ROBO1: variants seen among roughly 807,000 people sequenced by gnomAD.
The protein encoded by ROBO1 is roundabout homolog 1.
A neutral mutation model predicts 195.9 loss-of-function variants in ROBO1; 149 were observed. The ratio of observed to expected loss-of-function variants is 0.76; its 90% CI spans 0.67 to 0.87. The LOEUF (loss-of-function observed/expected upper bound fraction) is 0.87, where lower values mean the gene tolerates loss of function less well. ROBO1 is among the 40% of genes least tolerant of loss of function. The pLI is 0.00. For missense variants in ROBO1, 1,933 were observed against 2,068.3 expected, an observed-to-expected ratio of 0.93 and a Z score of 1.27; for synonymous variants, 816 against 733.2, an observed-to-expected ratio of 1.11 and a Z score of -1.82.
chr3:78,962,989 T>C lies in ROBO1; in HGVS notation c.173-24062A>G, dbSNP rs1036562541. Among the ~76,000 whole-genome samples the C allele has an allele frequency of 4.6e-5, 7 of 151,984 alleles. No homozygotes were observed. The South Asian group carries it at 1.5e-3, about 32-fold the overall frequency. Reference sequence around the variant, plus strand: ...GTAGTTTAGCAGACATTAATATTCTTAAGAAAGATAACAGCAATGCAGGCA... The same window carrying C: ...GTAGTTTAGCAGACATTAATATTCTCAAGAAAGATAACAGCAATGCAGGCA... On this transcript the variant is annotated intron_variant, in intron 3 of 30. Coordinates refer to ENST00000464233, the MANE Select transcript of ROBO1 (RefSeq NM_002941.4).
intron 2 of ROBO1, among the ~76,000 whole-genome samples, chr3:79,574,501 C>G (rs1943384424): frequency 6.6e-6 from 1 of 151,914 alleles, no homozygotes; most frequent in Non-Finnish European, 1.5e-5. Flanking sequence ...AATAGCCTAA[C>G]ATAACTAATA....
chr3:78,611,425 A>G (rs1235977436), intron 28 of ROBO1, among the ~76,000 whole-genome samples: 2 of 152,218 alleles, frequency 1.3e-5, no homozygotes, highest in Non-Finnish European at 2.9e-5. Flanking sequence ...CTTTTACTCA[A>G]TAAGACTCTG....
intron 2 of ROBO1, among the ~76,000 whole-genome samples, chr3:79,397,661 C>G (rs2037204047): frequency 6.6e-6 from 1 of 152,104 alleles, no homozygotes; most frequent in Non-Finnish European, 1.5e-5. Context: ...AACCGATAAG[C>G]CTGGGATATA....
rs34574091 is a variant in ROBO1 at position 79,320,548 on chromosome 3, T to C, written c.89-195009A>G. On this transcript the variant is annotated intron_variant, in intron 2 of 30. Transcript: ENST00000464233. ...TTTTGCCATGTTGCCCAGGCTGGCC[T>C]TGAACTCCTGGGCTCAAACGACAGT... Among the ~76,000 whole-genome samples, 145 of 152,244 alleles carry C rather than the reference T, an allele frequency of 9.5e-4. 1 individual carries two copies. Among genetic ancestry groups the C allele is most frequent in the Non-Finnish European group, 1.7e-3 (113 of 68,030 alleles).
At chr3:79,408,218 C>CAAAACAATA (rs2037627283) in intron 2 of ROBO1, among the ~76,000 whole-genome samples, 2 of 140,234 alleles carry the variant, frequency 1.4e-5, no homozygotes, top group Admixed American at 1.6e-4. Flanking sequence ...AATTCCGTCT[C>CAAAACAATA]AAAAAAATAA....
intron 3 of ROBO1, among the ~76,000 whole-genome samples, chr3:79,009,034 G>A (rs1283466612): frequency 1.3e-5 from 2 of 151,254 alleles, no homozygotes; most frequent in East Asian, 1.9e-4. Flanking sequence ...TCTGCCTCCC[G>A]GGTTCCAGCA....
intron 1 of ROBO1, among the ~76,000 whole-genome samples, chr3:79,627,348 G>A (rs1204491220): frequency 6.6e-6 from 1 of 151,948 alleles, no homozygotes; most frequent in Non-Finnish European, 1.5e-5. Context: ...ATAACACCAT[G>A]TATCTACAAC....
At chr3:78,716,523 T>C (rs2081906703) in intron 7 of ROBO1, among the ~76,000 whole-genome samples, 1 of 152,118 alleles carries the variant, frequency 6.6e-6, no homozygotes, top group Admixed American at 6.5e-5. Flanking sequence ...ACTCTTAACA[T>C]GTGAATCTCA....
chr3:79,671,197 T>C (rs892924565), intron 1 of ROBO1, among the ~76,000 whole-genome samples: 1 of 151,848 alleles, frequency 6.6e-6, no homozygotes, highest in African/African-American at 2.4e-5. Flanking sequence ...ACATACATTA[T>C]GTTAGAAGGA....
At chr3:79,352,652 A>T (rs2109271410) in intron 2 of ROBO1, among the ~76,000 whole-genome samples, 1 of 151,898 alleles carries the variant, frequency 6.6e-6, no homozygotes, top group Admixed American at 6.6e-5. Context: ...TTCTACTCAC[A>T]CTCTGTTCCC....
Position 78,730,562 on chromosome 3 carries a change from T to G in ROBO1, c.658-12679A>C, listed in dbSNP as rs998524431. Among the ~76,000 whole-genome samples the G allele has an allele frequency of 4.7e-5, 3 of 64,504 alleles. 1 individual carries two copies. Among genetic ancestry groups the G allele is most frequent in the Non-Finnish European group, 1.7e-4 (3 of 17,788 alleles). The allele number at this position is 64,504 out of a possible 152,430, so 42.3% of individuals were successfully genotyped here. On this transcript the variant is annotated intron_variant, in intron 5 of 30. Transcript: ENST00000464233. The stretch of plus-strand genomic sequence containing the variant: ...AACACTCACACACATTCTGTGGTAT[T>G]TTAATCCCAAAGAGTCAAAGGAGAA...
chr3:78,631,747 A>G (rs1261345080), intron 24 of ROBO1, among the ~76,000 whole-genome samples: 1 of 152,200 alleles, frequency 6.6e-6, no homozygotes, highest in Non-Finnish European at 1.5e-5. Flanking sequence ...GTACTTGTCC[A>G]TTGAAATGTT....
At chr3:79,735,302 T>C (rs940853264) in intron 1 of ROBO1, among the ~76,000 whole-genome samples, 2 of 152,208 alleles carry the variant, frequency 1.3e-5, no homozygotes, top group Non-Finnish European at 1.5e-5. Context: ...TTTTACGAAT[T>C]TCATCTAGAG....
intron 3 of ROBO1, among the ~76,000 whole-genome samples, chr3:79,062,603 G>A (rs962546776): frequency 9.2e-5 from 14 of 152,102 alleles, no homozygotes; most frequent in Non-Finnish European, 5.9e-5. Context: ...CAACCCAAAT[G>A]TCCATCAATG....
chr3:79,250,170 T>C (rs2082694293), intron 2 of ROBO1, among the ~76,000 whole-genome samples: 1 of 152,186 alleles, frequency 6.6e-6, no homozygotes, highest in Admixed American at 6.5e-5. Flanking sequence ...CATATTCAAA[T>C]AGTTTTTGAG....
intron 3 of ROBO1, among the ~76,000 whole-genome samples, chr3:79,006,839 G>T (rs2077635766): frequency 6.6e-6 from 1 of 151,666 alleles, no homozygotes; most frequent in South Asian, 2.1e-4. Context: ...TGGTTCAGTG[G>T]GAAATAAAGA....
At chr3:79,625,671 G>A (rs536120581) in intron 1 of ROBO1, among the ~76,000 whole-genome samples, 22 of 151,956 alleles carry the variant, frequency 1.4e-4, no homozygotes, top group Non-Finnish European at 2.7e-4. Flanking sequence ...GAAGCTGAAT[G>A]CCTGAATAGA....
chr3:79,742,500 C>A, intron 1 of ROBO1, among the ~76,000 whole-genome samples: 1 of 152,192 alleles, frequency 6.6e-6, no homozygotes, highest in Non-Finnish European at 1.5e-5. Context: ...GACTCTCTCT[C>A]TCTCTCTCTC....
At chr3:78,614,520 A>G in intron 28 of ROBO1, 128 bp downstream of exon 28, 1 of 1,023,560 alleles carries the variant, frequency 9.8e-7, no homozygotes, top group Non-Finnish European at 1.4e-6. Flanking sequence ...TCTATAAGTA[A>G]TATGAAGCTG....
Sources: gnomAD v4.1 joint callset for allele counts (sites outside exome capture counted in the v4.1 genomes callset) on GRCh38, gnomAD v4.1.1 for gene constraint, MANE v1.5 for transcripts, NCBI Gene and HGNC (gene_info 2026-07-23, HGNC 2026-07-21) for gene names.